GUCY1A1: variants seen among roughly 807,000 people sequenced by gnomAD.
The protein encoded by GUCY1A1 is guanylate cyclase soluble subunit alpha-1.
Under a neutral mutation model 64.5 loss-of-function variants are expected in GUCY1A1, and 48 were observed. That is an observed-to-expected ratio of 0.74 (90% CI 0.59 to 0.95). GUCY1A1 has a LOEUF of 0.95. Ranked by LOEUF, GUCY1A1 falls within the 40% of genes least tolerant of loss-of-function variation. The probability of loss-of-function intolerance (pLI) is 0.00; values close to 1 mark genes in which losing one functional copy is unlikely to be tolerated. For synonymous variants in GUCY1A1, 308 were observed against 303.4 expected (o/e 1.02, Z -0.16); for missense variants, 804 against 825.3 (o/e 0.97, Z 0.32).
At chr4:155,694,895 G>A (rs1015010349) in intron 2 of GUCY1A1, among the ~76,000 whole-genome samples, 2 of 152,170 alleles carry the variant, frequency 1.3e-5, no homozygotes, top group Non-Finnish European at 2.9e-5. Flanking sequence ...CAAAACAAAT[G>A]TGGGTAAAAT....
At chr4:155,694,497 T>C (rs1208982129) in intron 2 of GUCY1A1, among the ~76,000 whole-genome samples, 1 of 152,224 alleles carries the variant, frequency 6.6e-6, no homozygotes, top group East Asian at 1.9e-4. Flanking sequence ...TTTGCTCCTA[T>C]AGTCAAAATT....
intron 3 of GUCY1A1, among the ~76,000 whole-genome samples, chr4:155,701,939 G>A (rs1731138728): frequency 6.6e-6 from 1 of 152,036 alleles, no homozygotes. Context: ...CTCTATATCT[G>A]GCTTTATCAC....
intron 3 of GUCY1A1, among the ~76,000 whole-genome samples, 181 bp downstream of exon 3, chr4:155,697,303 T>C (rs1730547129): frequency 6.6e-6 from 1 of 152,204 alleles, no homozygotes; most frequent in African/African-American, 2.4e-5. Context: ...TTGTGTTTTA[T>C]CTTAAAATGT....
Position 155,677,764 on chromosome 4 carries a change from A to G in GUCY1A1, c.-113+10345A>G, listed in dbSNP as rs181399981. Among the ~76,000 whole-genome samples the G allele has an allele frequency of 2.6e-3, 400 of 152,192 alleles. 1 individual carries two copies. Among genetic ancestry groups the G allele is most frequent in the South Asian group, 7.7e-3 (37 of 4,812 alleles). ...CTACTTTGGAAACTGAGGCAGGAGA[A>G]CTGTTTGAACCTGGGAGGCGGAGGT... On this transcript the variant is annotated intron_variant, in intron 2 of 9. Coordinates refer to ENST00000506455, the MANE Select transcript of GUCY1A1 (RefSeq NM_001130682.3).
rs371396423 is a variant in GUCY1A1, at chr4:155,711,445, A to T, written c.1086+194A>T. 99 of 426,210 alleles carry T rather than the reference A, an allele frequency of 2.3e-4. No homozygotes were observed. In the East Asian group the frequency reaches 2.5e-3, roughly 11 times the overall value. The allele number at this position is 426,210 out of a possible 1,614,324, so 26.4% of individuals were successfully genotyped here. ...CATTTGTTTGCTTACTTGATTCATTACTCCAAAAATATTTATTGAATGCAG... is the reference window on the plus strand; with the variant it reads ...CATTTGTTTGCTTACTTGATTCATTTCTCCAAAAATATTTATTGAATGCAG... On this transcript the variant is annotated intron_variant, in intron 6 of 9. Coordinates refer to ENST00000506455, the MANE Select transcript of GUCY1A1 (RefSeq NM_001130682.3).
chr4:155,692,711 T>C (rs1188738152), intron 2 of GUCY1A1, among the ~76,000 whole-genome samples: 1 of 152,184 alleles, frequency 6.6e-6, no homozygotes, highest in Non-Finnish European at 1.5e-5. Context: ...TTACATGATA[T>C]TGTTACATGT....
At position 155,696,750 on chromosome 4, in the gene GUCY1A1, C is replaced by T. The variant is rs2126738987; in HGVS notation, c.-112-6C>T. On this transcript the variant is annotated splice_region_variant and splice_polypyrimidine_tract_variant and intron_variant, in intron 2 of 9. Transcript: ENST00000506455. Reference sequence around the variant, plus strand: ...TCTTTCTGTTCTGACTTTTTGCTGTCCATAGACATCCCAGTTACCAGTGTC... The same window carrying T: ...TCTTTCTGTTCTGACTTTTTGCTGTTCATAGACATCCCAGTTACCAGTGTC... 2 of 891,206 alleles carry T rather than the reference C, an allele frequency of 2.2e-6. No individual in the cohort carries two copies. The highest frequency in any genetic ancestry group is 1.7e-5 in the South Asian group (1 of 59,198). 55.2% of individuals were successfully genotyped at this position (891,206 alleles called of 1,614,324 possible). A position where few individuals can be genotyped will look rare whatever the true frequency, so the allele number is the denominator to read the frequency against.
rs1288955577 is a variant in GUCY1A1 at position 155,731,589 on chromosome 4, A to C, written c.*1358A>C. The stretch of plus-strand genomic sequence containing the variant: ...TAGGTCAGTTGAAGTTCTCTGGTGA[A>C]CTAAAAAATCTACATTTTGGTTGGG... On this transcript the variant is annotated 3_prime_UTR_variant, in exon 10 of 10. Coordinates refer to ENST00000506455, the MANE Select transcript of GUCY1A1 (RefSeq NM_001130682.3). The C allele has an allele frequency of 6.6e-6, 1 of 151,864 alleles. No homozygotes were observed. The highest frequency in any genetic ancestry group is 1.5e-5 in the Non-Finnish European group (1 of 67,868). 9.4% of individuals were successfully genotyped at this position (151,864 alleles called of 1,614,324 possible). A position where few individuals can be genotyped will look rare whatever the true frequency, so the allele number is the denominator to read the frequency against.
intron 6 of GUCY1A1, 106 bp downstream of exon 6, chr4:155,711,357 A>G (rs1732552616): frequency 9.8e-6 from 6 of 609,588 alleles, no homozygotes; most frequent in African/African-American, 1.8e-5. Flanking sequence ...TTGATAAAAC[A>G]TATGTAAAAC....
At position 155,713,496 on chromosome 4, in the gene GUCY1A1, C is replaced by T; in HGVS notation, c.1485C>T (p.Ser495=). The change falls in exon 7 of 10, where the codon TCC becomes TCT. Residue 495 remains serine, a synonymous_variant. Coordinates refer to ENST00000506455, the MANE Select transcript of GUCY1A1 (RefSeq NM_001130682.3). ...TCGTTGGGTTCACTGCCATCTGCTC[C>T]CAGTGCTCACCGCTGCAGGTCATCA... ...SDIVGFTAIC[S]QCSPLQVITM... 1.9e-6 allele frequency: 3 copies of T among 1,614,084 alleles called. No homozygotes were observed. The highest frequency in any genetic ancestry group is 2.2e-5 in the East Asian group (1 of 44,872).
intron 9 of GUCY1A1, among the ~76,000 whole-genome samples, chr4:155,723,179 C>CT (rs1244436147): frequency 6.6e-6 from 1 of 152,120 alleles, no homozygotes; most frequent in Non-Finnish European, 1.5e-5. Context: ...TAGAAGCTCC[C>CT]TCCCTGCAAT....
intron 5 of GUCY1A1, among the ~76,000 whole-genome samples, chr4:155,710,158 T>C (rs187058726): frequency 6.6e-6 from 1 of 152,196 alleles, no homozygotes; most frequent in Non-Finnish European, 1.5e-5. Context: ...GAAACCCTCA[T>C]AGAGGAAGAT....
At position 155,698,200 on chromosome 4, in the gene GUCY1A1, T is replaced by C. The variant is rs1417117241; in HGVS notation, c.255+1078T>C. On this transcript the variant is annotated intron_variant, in intron 3 of 9. Coordinates refer to ENST00000506455, the MANE Select transcript of GUCY1A1 (RefSeq NM_001130682.3). The stretch of plus-strand genomic sequence containing the variant: ...AATTCCTGCTGTAAACAGTCCAGGC[T>C]GGAATGACTGAGAAAGAAGAAATTG... Among the ~76,000 whole-genome samples, 6 of 152,178 alleles carry C rather than the reference T, an allele frequency of 3.9e-5. No homozygotes were observed. The East Asian group carries it at 1.2e-3, about 29-fold the overall frequency.
At chr4:155,685,070 TAG>T (rs2126642532) in intron 2 of GUCY1A1, among the ~76,000 whole-genome samples, 1 of 152,282 alleles carries the variant, frequency 6.6e-6, no homozygotes, top group South Asian at 2.1e-4. Context: ...GCTCTGTAGT[TAG>T]ATAGGGTTGG....
intron 7 of GUCY1A1, 42 bp downstream of exon 7, chr4:155,713,625 C>T (rs1579095217): frequency 1.3e-6 from 2 of 1,589,362 alleles, no homozygotes; most frequent in Non-Finnish European, 1.7e-6. Flanking sequence ...CCAGCAAACT[C>T]ACTGGGGAAC....
chr4:155,673,686 G>A (rs542669396), intron 2 of GUCY1A1, among the ~76,000 whole-genome samples: 24 of 151,414 alleles, frequency 1.6e-4, no homozygotes, highest in Non-Finnish European at 2.9e-4. Flanking sequence ...GTGGCGGAAC[G>A]GGTAATGCTG....
chr4:155,693,533 G>T (rs1730028546), intron 2 of GUCY1A1, among the ~76,000 whole-genome samples: 1 of 151,976 alleles, frequency 6.6e-6, no homozygotes, highest in Non-Finnish European at 1.5e-5. Context: ...TGTATTCCTG[G>T]CAGGCAAAAG....
chr4:155,722,185 A>G lies in GUCY1A1; in HGVS notation c.1864A>G (p.Thr622Ala). The G allele has an allele frequency of 6.2e-7, 1 of 1,612,096 alleles. No homozygotes were observed. The highest frequency in any genetic ancestry group is 8.5e-7 in the Non-Finnish European group (1 of 1,178,786). The change falls in exon 9 of 10, where the codon ACT becomes GCT. Residue 622 changes from threonine (T) to alanine (A), a missense_variant. Transcript: ENST00000506455. ...VPRKINVSPT[T>A]YRLLKDCPGF... ...ACGAAAAATCAATGTCAGCCCAACA[A>G]CTTACAGGTAGTAATTATGTTAAAC...
intron 9 of GUCY1A1, among the ~76,000 whole-genome samples, chr4:155,728,771 T>C (rs1179894367): frequency 6.6e-6 from 1 of 151,876 alleles, no homozygotes; most frequent in African/African-American, 2.4e-5. Context: ...ATTTATTCAA[T>C]TTTCACAACT....
Sources: gnomAD v4.1 joint callset for allele counts (sites outside exome capture counted in the v4.1 genomes callset) on GRCh38, gnomAD v4.1.1 for gene constraint, MANE v1.5 for transcripts, NCBI Gene and HGNC (gene_info 2026-07-23, HGNC 2026-07-21) for gene names.